Variants in WWTR1 observed in about 807,000 individuals in gnomAD.
The protein encoded by WWTR1 is WW domain containing transcription regulator 1, also known as WW domain-containing transcription regulator protein 1.
In WWTR1, 13 loss-of-function variants were observed where a neutral mutation model predicts 40.1. The observed-to-expected ratio is 0.32, with a 90% CI of 0.21 to 0.52. The LOEUF (loss-of-function observed/expected upper bound fraction) is 0.52, where lower values mean the gene tolerates loss of function less well. WWTR1 is among the 20% of genes least tolerant of loss of function. The pLI, the probability that WWTR1 is intolerant of heterozygous loss-of-function variation, is 0.97. For missense variants in WWTR1, 436 were observed against 523.1 expected (o/e 0.83, Z 1.63); for synonymous variants, 230 against 210.1 (o/e 1.09, Z -0.82).
intron 2 of WWTR1, among the ~76,000 whole-genome samples, chr3:149,599,663 A>G (rs1739158988): frequency 6.6e-6 from 1 of 152,262 alleles, no homozygotes; most frequent in Non-Finnish European, 1.5e-5. Flanking sequence ...CAGCTTTGAC[A>G]GTGGTAATAT....
At chr3:149,570,591 A>G (rs1422789650) in intron 3 of WWTR1, among the ~76,000 whole-genome samples, 2 of 150,268 alleles carry the variant, frequency 1.3e-5, no homozygotes, top group African/African-American at 4.9e-5. Flanking sequence ...TAATAATAAT[A>G]ATAATAATAA....
rs529051186 is a variant in WWTR1, at chr3:149,721,787, C to T, written n.459+2293G>A. ...TTATGTTGCCCAGGCTGGTCTTGAA[C>T]TCCTGGGCTCAAACGATCCTGTCAC... On this transcript the variant is annotated intron_variant and non_coding_transcript_variant, in intron 4 of 6. Transcript: ENST00000474080. Among the ~76,000 whole-genome samples the T allele has an allele frequency of 4.6e-5, 7 of 152,268 alleles. No homozygotes were observed. In the East Asian group the frequency reaches 1.2e-3, roughly 25 times the overall value.
At chr3:149,546,910 G>A (rs1235952820) in intron 3 of WWTR1, among the ~76,000 whole-genome samples, 4 of 151,990 alleles carry the variant, frequency 2.6e-5, no homozygotes, top group African/African-American at 7.3e-5. Flanking sequence ...AAAACCGGTC[G>A]GTATCCTAGA....
At chr3:149,676,026 A>T (rs1009231473) in intron 1 of WWTR1, among the ~76,000 whole-genome samples, 3 of 152,196 alleles carry the variant, frequency 2.0e-5, no homozygotes, top group African/African-American at 7.2e-5. Context: ...ATTTCAATGC[A>T]GAAGTTATTT....
chr3:149,617,867 G>A (rs1740062957), intron 2 of WWTR1, among the ~76,000 whole-genome samples: 1 of 152,036 alleles, frequency 6.6e-6, no homozygotes, highest in Admixed American at 6.6e-5. Flanking sequence ...TATTATTCAT[G>A]GACTCTGAAA....
At chr3:149,680,090 A>G (rs906598871) in intron 1 of WWTR1, among the ~76,000 whole-genome samples, 10 of 152,234 alleles carry the variant, frequency 6.6e-5, no homozygotes, top group African/African-American at 2.4e-4. Context: ...AGGTGACCAC[A>G]CAATTTACTG....
intron 1 of WWTR1, chr3:149,702,960 T>C (rs1304078858): frequency 6.6e-6 from 1 of 152,224 alleles, no homozygotes; most frequent in East Asian, 1.9e-4. Context: ...GGATTCTTTC[T>C]TTGGCACATA....
intron 2 of WWTR1, among the ~76,000 whole-genome samples, chr3:149,652,944 G>A (rs1712980076): frequency 6.6e-6 from 1 of 152,092 alleles, no homozygotes; most frequent in African/African-American, 2.4e-5. Context: ...TTCAACAAAT[G>A]TCCTCCTGTA....
At chr3:149,623,839 C>T (rs1374035355) in intron 2 of WWTR1, among the ~76,000 whole-genome samples, 2 of 152,180 alleles carry the variant, frequency 1.3e-5, no homozygotes, top group Non-Finnish European at 2.9e-5. Context: ...TCTGAAGGGC[C>T]ATGCTTCATG....
At chr3:149,676,140 A>T (rs1714250514) in intron 1 of WWTR1, among the ~76,000 whole-genome samples, 1 of 152,174 alleles carries the variant, frequency 6.6e-6, no homozygotes, top group South Asian at 2.1e-4. Context: ...AGGGGGAAAA[A>T]ATCACAAATT....
chr3:149,680,237 G>T (rs552381726), intron 1 of WWTR1, among the ~76,000 whole-genome samples: 2 of 152,252 alleles, frequency 1.3e-5, no homozygotes, highest in Non-Finnish European at 2.9e-5. Context: ...TCAAATGAGG[G>T]TATATATGTA....
At chr3:149,656,593 C>T (rs1713215688) in intron 2 of WWTR1, among the ~76,000 whole-genome samples, 1 of 152,102 alleles carries the variant, frequency 6.6e-6, no homozygotes, top group Non-Finnish European at 1.5e-5. Flanking sequence ...GGCTTCAGTC[C>T]TGCAGATTCA....
intron 2 of WWTR1, among the ~76,000 whole-genome samples, chr3:149,629,034 AG>A (rs1348130968): frequency 2.0e-5 from 3 of 152,206 alleles, no homozygotes; most frequent in Non-Finnish European, 4.4e-5. Context: ...GTCCTCCCAA[AG>A]TGATGGGATT....
chr3:149,572,726 T>TA, intron 3 of WWTR1, 138 bp downstream of exon 3: 1 of 1,042,746 alleles, frequency 9.6e-7, no homozygotes. Context: ...TCATGCCTGT[T>TA]ATCGCAGCAC....
At chr3:149,542,261 G>A (rs1576547579) in intron 4 of WWTR1, 74 bp downstream of exon 4, 2 of 1,509,524 alleles carry the variant, frequency 1.3e-6, no homozygotes, top group Admixed American at 1.9e-5. Flanking sequence ...TACCCTGAAG[G>A]TAAGCAGCTA....
chr3:149,568,057 T>C (rs1737416806), intron 3 of WWTR1, among the ~76,000 whole-genome samples: 1 of 152,166 alleles, frequency 6.6e-6, no homozygotes, highest in Non-Finnish European at 1.5e-5. Context: ...TTAGTAAGTA[T>C]TAATAGTAAG....
chr3:149,677,865 G>A (rs144777243), intron 1 of WWTR1, among the ~76,000 whole-genome samples: 4,417 of 152,004 alleles, frequency 0.029, 99 homozygotes, highest in Middle Eastern at 0.045. Context: ...CCAAGTTGAA[G>A]CAATTCTCCT....
intron 2 of WWTR1, among the ~76,000 whole-genome samples, chr3:149,615,472 T>C (rs755940734): frequency 1.3e-5 from 2 of 152,190 alleles, no homozygotes; most frequent in Admixed American, 6.5e-5. Context: ...AGTGGAGGGA[T>C]GGTAGGTACG....
chr3:149,669,503 G>T (rs1054225712), intron 2 of WWTR1, among the ~76,000 whole-genome samples: 33 of 152,236 alleles, frequency 2.2e-4, no homozygotes, highest in Middle Eastern at 3.4e-3. Context: ...AGACAAACAA[G>T]GTCCCCAGTA....
Sources: gnomAD v4.1 joint callset for allele counts (sites outside exome capture counted in the v4.1 genomes callset) on GRCh38, gnomAD v4.1.1 for gene constraint, MANE v1.5 for transcripts, NCBI Gene and HGNC (gene_info 2026-07-23, HGNC 2026-07-21) for gene names.